The following TENM3 variants were observed in gnomAD, a reference collection of about 807,000 sequenced individuals.
TENM3 encodes teneurin transmembrane protein 3.
Under a neutral mutation model 255.1 loss-of-function variants are expected in TENM3, and 63 were observed. That is an observed-to-expected ratio of 0.25 (90% confidence interval 0.20 to 0.30). The LOEUF (loss-of-function observed/expected upper bound fraction) is 0.30. TENM3 is among the 10% of genes least tolerant of loss of function. The pLI is 1.00. For synonymous variants in TENM3, 1,306 were observed against 1,322.3 expected, an observed-to-expected ratio of 0.99 and a Z score of 0.27; for missense variants, 2,929 against 3,461.1, an observed-to-expected ratio of 0.85 and a Z score of 3.86.
chr4:182,055,098 G>A, the TENM3 span, among the ~76,000 whole-genome samples: 4 of 152,126 alleles, frequency 2.6e-5, 1 homozygote, highest in Non-Finnish European at 5.9e-5. Flanking sequence ...TTTAATCCCA[G>A]TACTTTGGGA....
At chr4:182,044,338 T>C in the TENM3 span, among the ~76,000 whole-genome samples, 1 of 152,250 alleles carries the variant, frequency 6.6e-6, no homozygotes, top group Non-Finnish European at 1.5e-5. Context: ...AGTGTGCCTG[T>C]CCTGATTTAC....
chr4:181,467,781 G>T, the TENM3 span, among the ~76,000 whole-genome samples: 1 of 152,100 alleles, frequency 6.6e-6, no homozygotes, highest in Non-Finnish European at 1.5e-5. Flanking sequence ...AAAGATGTTG[G>T]TGATGTGAGT....
chr4:181,541,100 A>G, the TENM3 span, among the ~76,000 whole-genome samples: 1 of 152,324 alleles, frequency 6.6e-6, no homozygotes, highest in African/African-American at 2.4e-5. Flanking sequence ...CAGGCCGGGC[A>G]CAGTGGCTCA....
At chr4:181,565,495 T>C in the TENM3 span, among the ~76,000 whole-genome samples, 2 of 152,142 alleles carry the variant, frequency 1.3e-5, no homozygotes, top group Non-Finnish European at 2.9e-5. Context: ...AACGGGTACA[T>C]AAAGTGATTA....
At chr4:182,213,871 G>T (rs994090179) in intron 1 of TENM3, among the ~76,000 whole-genome samples, 1 of 151,924 alleles carries the variant, frequency 6.6e-6, no homozygotes, top group East Asian at 1.9e-4. Context: ...GCGCGATCTC[G>T]GCTCACTGCA....
chr4:182,482,906 T>C (rs1005500835), intron 3 of TENM3, among the ~76,000 whole-genome samples: 1 of 152,156 alleles, frequency 6.6e-6, no homozygotes, highest in Non-Finnish European at 1.5e-5. Flanking sequence ...TATGAATTAA[T>C]TTTGGATTTC....
At chr4:181,560,026 T>C in the TENM3 span, among the ~76,000 whole-genome samples, 1 of 152,256 alleles carries the variant, frequency 6.6e-6, no homozygotes, top group South Asian at 2.1e-4. Flanking sequence ...AGCTTTTATT[T>C]TAATGACTTG....
chr4:181,951,510 T>C, the TENM3 span, among the ~76,000 whole-genome samples: 1 of 152,220 alleles, frequency 6.6e-6, no homozygotes, highest in Admixed American at 6.5e-5. Context: ...AGACTTGCAG[T>C]TCATTCTGTA....
intron 1 of TENM3, among the ~76,000 whole-genome samples, chr4:182,161,762 TATATGTGTATATATATATACACAA>T (rs1275733648): frequency 0.06 from 3,163 of 52,986 alleles, 852 homozygotes; most frequent in Admixed American, 0.088. Flanking sequence ...TATATACATA[TATATGTGTATATATATATACACAA>T]ATATATGTAT....
At chr4:182,471,017 A>G (rs1733073026) in intron 3 of TENM3, among the ~76,000 whole-genome samples, 1 of 152,222 alleles carries the variant, frequency 6.6e-6, no homozygotes, top group Non-Finnish European at 1.5e-5. Context: ...TGTGAATACA[A>G]TTATATTTGC....
intron 3 of TENM3, among the ~76,000 whole-genome samples, chr4:182,537,641 CAA>C (rs1176537222): frequency 4.6e-5 from 7 of 152,164 alleles, no homozygotes; most frequent in East Asian, 3.9e-4. Context: ...TGCCCTTTTT[CAA>C]AAGTTTTCTA....
intron 3 of TENM3, among the ~76,000 whole-genome samples, chr4:182,405,305 A>G (rs1769487533): frequency 6.6e-6 from 1 of 152,186 alleles, no homozygotes; most frequent in African/African-American, 2.4e-5. Flanking sequence ...ATGTTGCGTA[A>G]TTTTGGTGAG....
the TENM3 span, among the ~76,000 whole-genome samples, chr4:181,876,655 T>C: frequency 6.6e-6 from 1 of 152,212 alleles, no homozygotes; most frequent in African/African-American, 2.4e-5. Flanking sequence ...TTGTATATTA[T>C]CCAATTTTCA....
At chr4:182,753,688 T>G (rs550537009) in intron 21 of TENM3, 84 bp downstream of exon 21, 3 of 1,289,034 alleles carry the variant, frequency 2.3e-6, no homozygotes, top group East Asian at 4.7e-5. Context: ...GGCACCATAT[T>G]AAACTGCATA....
the TENM3 span, among the ~76,000 whole-genome samples, chr4:181,957,293 G>C: frequency 6.6e-6 from 1 of 152,154 alleles, no homozygotes; most frequent in Non-Finnish European, 1.5e-5. Context: ...ACCACGGCCA[G>C]CATCACACAC....
chr4:181,683,428 T>C, the TENM3 span, among the ~76,000 whole-genome samples: 1 of 152,150 alleles, frequency 6.6e-6, no homozygotes, highest in Non-Finnish European at 1.5e-5. Flanking sequence ...GCTTACACTT[T>C]ATATTAGACT....
chr4:181,607,130 G>A, the TENM3 span, among the ~76,000 whole-genome samples: 1 of 152,180 alleles, frequency 6.6e-6, no homozygotes. Flanking sequence ...GACAGAGTTG[G>A]AATTTGGTCT....
intron 3 of TENM3, among the ~76,000 whole-genome samples, chr4:182,453,273 G>C (rs1418475862): frequency 1.3e-5 from 2 of 152,082 alleles, no homozygotes; most frequent in East Asian, 3.9e-4. Context: ...TGGTCTCCCA[G>C]AAACAGTTTA....
At position 182,439,774 on chromosome 4, in the gene TENM3, A is replaced by G. The variant is rs1483258488; in HGVS notation, c.511+92845A>G. 2.0e-5 allele frequency among the ~76,000 whole-genome samples: 3 copies of G among 152,222 alleles called. No homozygotes were observed. In the East Asian group the frequency reaches 5.8e-4, roughly 29 times the overall value. On this transcript the variant is annotated intron_variant, in intron 3 of 27. Coordinates refer to ENST00000511685, the MANE Select transcript of TENM3 (RefSeq NM_001080477.4). Reference sequence around the variant, plus strand: ...GACCTTTTCTTCAATCATTAGAAGTATTAATCTGTAACATGTATCTTTGTT... The same window carrying G: ...GACCTTTTCTTCAATCATTAGAAGTGTTAATCTGTAACATGTATCTTTGTT...
Sources: allele counts gnomAD v4.1 joint callset (sites outside exome capture counted in the v4.1 genomes callset), GRCh38; gene constraint gnomAD v4.1.1; transcripts MANE v1.5; gene names NCBI Gene and HGNC (gene_info 2026-07-23, HGNC 2026-07-21).